Variants in CHCHD6 observed in about 807,000 individuals in gnomAD.
The protein encoded by CHCHD6 is MICOS complex subunit MIC25.
Under a neutral mutation model 32.3 loss-of-function variants are expected in CHCHD6, and 28 were observed. The observed-to-expected ratio is 0.87, with a 90% confidence interval of 0.64 to 1.19. The LOEUF (loss-of-function observed/expected upper bound fraction) is 1.19, where lower values mean the gene tolerates loss of function less well. CHCHD6 is among the 50% of genes most tolerant of loss of function. CHCHD6 has a pLI of 0.00. For missense variants in CHCHD6, 333 were observed against 307.0 expected (o/e 1.08, Z -0.63); for synonymous variants, 122 against 117.5 (o/e 1.04, Z -0.25).
At chr3:126,788,427 A>G (rs1211605875) in intron 4 of CHCHD6, among the ~76,000 whole-genome samples, 1 of 152,206 alleles carries the variant, frequency 6.6e-6, no homozygotes. Context: ...TACCTCTGGT[A>G]GAATTCTGCT....
At chr3:126,771,266 G>A (rs775256424) in intron 4 of CHCHD6, among the ~76,000 whole-genome samples, 63 of 149,516 alleles carry the variant, frequency 4.2e-4, no homozygotes, top group African/African-American at 1.3e-3. Context: ...GTGCAGTGGC[G>A]CAATCTCGGC....
At chr3:126,708,217 C>A (rs1434131351) in intron 1 of CHCHD6, among the ~76,000 whole-genome samples, 1 of 152,182 alleles carries the variant, frequency 6.6e-6, no homozygotes, top group Non-Finnish European at 1.5e-5. Context: ...CCCAGAAATT[C>A]CACATGCTTA....
chr3:126,785,299 T>C (rs769459257), intron 4 of CHCHD6, among the ~76,000 whole-genome samples: 3 of 152,216 alleles, frequency 2.0e-5, no homozygotes, highest in South Asian at 2.1e-4. Context: ...ATATCTCCCG[T>C]GGGCAGCAAA....
chr3:126,775,938 C>A (rs997802687), intron 4 of CHCHD6, among the ~76,000 whole-genome samples: 1 of 152,218 alleles, frequency 6.6e-6, no homozygotes, highest in Admixed American at 6.5e-5. Context: ...GAGAGACTTT[C>A]ATGGAGCCAC....
chr3:126,919,812 C>T (rs936891659), intron 6 of CHCHD6, among the ~76,000 whole-genome samples: 7 of 150,740 alleles, frequency 4.6e-5, no homozygotes, highest in East Asian at 1.9e-4. Flanking sequence ...CATTCCTTTA[C>T]TTCTTTTTTC....
At chr3:126,816,819 C>T (rs914206099) in intron 4 of CHCHD6, among the ~76,000 whole-genome samples, 6 of 151,990 alleles carry the variant, frequency 3.9e-5, no homozygotes, top group Non-Finnish European at 8.8e-5. Context: ...CCCGTTAACT[C>T]GTCATTTACA....
chr3:126,930,615 G>A (rs2078390177), intron 6 of CHCHD6, among the ~76,000 whole-genome samples: 1 of 152,200 alleles, frequency 6.6e-6, no homozygotes, highest in Non-Finnish European at 1.5e-5. Flanking sequence ...TCAAATCCTG[G>A]CTGTGCCTCT....
chr3:126,892,866 G>A (rs963754085), intron 5 of CHCHD6, among the ~76,000 whole-genome samples: 11 of 152,364 alleles, frequency 7.2e-5, no homozygotes, highest in African/African-American at 1.7e-4. Context: ...CTGACTGGGC[G>A]TGATTTGCTT....
At chr3:126,744,860 A>G (rs1014262036) in intron 4 of CHCHD6, among the ~76,000 whole-genome samples, 1 of 151,962 alleles carries the variant, frequency 6.6e-6, no homozygotes, top group African/African-American at 2.4e-5. Context: ...GCTAATTTTT[A>G]TATTTTTAGT....
At chr3:126,730,451 C>A in intron 2 of CHCHD6, 110 bp from the exon 3 acceptor site, 1 of 851,058 alleles carries the variant, frequency 1.2e-6, no homozygotes, top group Non-Finnish European at 1.9e-6. Flanking sequence ...GTGATGCTGC[C>A]TTCCAAGGGG....
intron 4 of CHCHD6, among the ~76,000 whole-genome samples, chr3:126,828,083 C>T (rs1157870141): frequency 2.0e-5 from 3 of 152,164 alleles, no homozygotes; most frequent in Non-Finnish European, 4.4e-5. Context: ...TCTGTCTCTT[C>T]GGTGCATCCT....
At chr3:126,825,340 C>T (rs1277785370) in intron 4 of CHCHD6, among the ~76,000 whole-genome samples, 1 of 152,138 alleles carries the variant, frequency 6.6e-6, no homozygotes, top group South Asian at 2.1e-4. Flanking sequence ...TGTATATGCT[C>T]TGTTCTGGAA....
rs1005822544 is a variant in CHCHD6 at position 126,719,311 on chromosome 3, A to G, written c.88-7767A>G. ...TTTCAGGATGTACATGTGGTTGAGC[A>G]TCTCATCGCTGGGCGGGCGTCTTAA... is the stretch of plus-strand genomic sequence containing the variant. On this transcript the variant is annotated intron_variant, in intron 1 of 7. Transcript: ENST00000290913. Among the ~76,000 whole-genome samples the G allele has an allele frequency of 2.0e-5, 3 of 152,334 alleles. 1 individual carries two copies.
chr3:126,725,407 CAT>C (rs1935485562), intron 1 of CHCHD6, among the ~76,000 whole-genome samples: 1 of 152,178 alleles, frequency 6.6e-6, no homozygotes, highest in South Asian at 2.1e-4. Flanking sequence ...TTCAGTAAAA[CAT>C]GTTGTAAACA....
chr3:126,886,525 G>C (rs958238832), intron 5 of CHCHD6, among the ~76,000 whole-genome samples: 1 of 152,154 alleles, frequency 6.6e-6, no homozygotes, highest in Non-Finnish European at 1.5e-5. Context: ...ATTTTACTTT[G>C]TAATGGCTTC....
intron 1 of CHCHD6, among the ~76,000 whole-genome samples, chr3:126,725,643 C>A (rs1935494396): frequency 6.6e-6 from 1 of 152,206 alleles, no homozygotes; most frequent in Admixed American, 6.5e-5. Context: ...TCTTAGATGG[C>A]ATCTTTTCCC....
At chr3:126,792,653 G>A (rs1015087704) in intron 4 of CHCHD6, among the ~76,000 whole-genome samples, 1 of 151,768 alleles carries the variant, frequency 6.6e-6, no homozygotes, top group African/African-American at 2.4e-5. Flanking sequence ...GCATTTTAGT[G>A]TTCATTTTAT....
intron 4 of CHCHD6, among the ~76,000 whole-genome samples, chr3:126,825,247 C>A (rs1465298078): frequency 6.6e-6 from 1 of 151,786 alleles, no homozygotes; most frequent in Non-Finnish European, 1.5e-5. Context: ...TTATTTATTT[C>A]TAGTTTAATT....
chr3:126,937,404 A>C (rs1448571181), intron 6 of CHCHD6, among the ~76,000 whole-genome samples: 1 of 151,864 alleles, frequency 6.6e-6, no homozygotes, highest in Non-Finnish European at 1.5e-5. Flanking sequence ...GAGCGTTGGG[A>C]GCTGAGCCTG....
Sources: allele counts gnomAD v4.1 joint callset (sites outside exome capture counted in the v4.1 genomes callset), GRCh38; gene constraint gnomAD v4.1.1; transcripts MANE v1.5; gene names NCBI Gene and HGNC (gene_info 2026-07-23, HGNC 2026-07-21).